CNTLN: variants seen among roughly 807,000 people sequenced by gnomAD.
CNTLN encodes centlein, centrosomal protein.
In CNTLN, 212 loss-of-function variants were observed where a neutral mutation model predicts 180.0. The observed-to-expected ratio is 1.18, with a 90% confidence interval of 1.05 to 1.32. The LOEUF is 1.32. Among genes scored for constraint, CNTLN ranks in the 40% most tolerant of loss-of-function variants. The pLI is 0.00. For missense variants in CNTLN, 2,095 were observed against 1,610.9 expected (o/e 1.30, Z -5.14); for synonymous variants, 722 against 563.1 (o/e 1.28, Z -3.99).
chr9:17,494,440 G>T (rs557908169), intron 25 of CNTLN, among the ~76,000 whole-genome samples: 1 of 152,136 alleles, frequency 6.6e-6, no homozygotes, highest in East Asian at 1.9e-4. Context: ...TGTCGTGGGG[G>T]TTTGTTGTAT....
intron 2 of CNTLN, among the ~76,000 whole-genome samples, chr9:17,213,953 C>A (rs534004676): frequency 6.6e-6 from 1 of 152,080 alleles, no homozygotes; most frequent in Admixed American, 6.6e-5. Flanking sequence ...TGTGTCTTTG[C>A]AGGTGATATG....
intron 8 of CNTLN, among the ~76,000 whole-genome samples, chr9:17,322,708 T>A (rs1007216650): frequency 3.9e-5 from 6 of 152,176 alleles, no homozygotes; most frequent in Admixed American, 1.3e-4. Context: ...TGGTTTGCCA[T>A]CTGGGTGCAG....
chr9:17,325,624 T>A (rs1270639637), intron 8 of CNTLN, among the ~76,000 whole-genome samples: 1 of 151,910 alleles, frequency 6.6e-6, no homozygotes, highest in African/African-American at 2.4e-5. Flanking sequence ...TATATTGTTT[T>A]AAGAAAAAGT....
chr9:17,138,440 T>G (rs1235448642), intron 1 of CNTLN, among the ~76,000 whole-genome samples: 2 of 152,182 alleles, frequency 1.3e-5, no homozygotes, highest in African/African-American at 4.8e-5. Context: ...AAACCAACTT[T>G]TGAAGCAGGC....
chr9:17,378,071 C>T (rs778510221), intron 13 of CNTLN, among the ~76,000 whole-genome samples: 2 of 151,820 alleles, frequency 1.3e-5, no homozygotes, highest in South Asian at 2.1e-4. Context: ...ATTTTTTGTC[C>T]GGCCTTCATA....
rs567231755 is a variant in CNTLN, at chr9:17,490,167, C to G, written c.4119+3101C>G. Among the ~76,000 whole-genome samples, 5 of 152,096 alleles carry G rather than the reference C, an allele frequency of 3.3e-5. No individual in the cohort carries two copies. In the South Asian group the frequency reaches 1.0e-3, roughly 32 times the overall value. ...GGGTCGGGATGTAATCAGAGTTGTG[C>G]TTTAGAAAGATGCTGAAGGCCAACA... On this transcript the variant is annotated intron_variant, in intron 25 of 25. Coordinates refer to ENST00000380647, the MANE Select transcript of CNTLN (RefSeq NM_017738.4).
At chr9:17,169,224 C>T (rs900986840) in intron 2 of CNTLN, among the ~76,000 whole-genome samples, 3 of 152,034 alleles carry the variant, frequency 2.0e-5, no homozygotes, top group Non-Finnish European at 4.4e-5. Context: ...TTCTTGAACT[C>T]CTGGGTTCAA....
chr9:17,268,477 C>T (rs1171404113), intron 5 of CNTLN, among the ~76,000 whole-genome samples: 2 of 152,300 alleles, frequency 1.3e-5, no homozygotes, highest in South Asian at 2.1e-4. Flanking sequence ...AGTTAGGCTG[C>T]TCGGGGGTCA....
intron 18 of CNTLN, among the ~76,000 whole-genome samples, chr9:17,427,325 G>T (rs1417831086): frequency 6.9e-6 from 1 of 145,288 alleles, no homozygotes; most frequent in South Asian, 2.2e-4. Flanking sequence ...TACTCGAAAA[G>T]AATACTTGAT....
intron 10 of CNTLN, among the ~76,000 whole-genome samples, chr9:17,337,153 G>T (rs1031649410): frequency 6.6e-6 from 1 of 152,066 alleles, no homozygotes; most frequent in Non-Finnish European, 1.5e-5. Context: ...TTTTGATGGG[G>T]TTGTTTGTTT....
Position 17,246,152 on chromosome 9 carries a change from C to G in CNTLN, c.849+9564C>G, listed in dbSNP as rs1311748857. On this transcript the variant is annotated intron_variant, in intron 5 of 25. Coordinates refer to ENST00000380647, the MANE Select transcript of CNTLN (RefSeq NM_017738.4). ...AGGTATCTATTGCATTCTTTACAGT[C>G]TGGGATTGTTTGTACTCATCTTTCT... is the stretch of plus-strand genomic sequence containing the variant. 2.6e-5 allele frequency among the ~76,000 whole-genome samples: 4 copies of G among 152,186 alleles called. No individual in the cohort carries two copies. The South Asian group carries it at 8.3e-4, about 32-fold the overall frequency.
At chr9:17,490,105 A>G (rs1484494140) in intron 25 of CNTLN, among the ~76,000 whole-genome samples, 1 of 152,158 alleles carries the variant, frequency 6.6e-6, no homozygotes, top group East Asian at 1.9e-4. Context: ...GAAATAGGAA[A>G]AGTAGGCTGG....
intron 6 of CNTLN, among the ~76,000 whole-genome samples, chr9:17,277,965 A>T (rs995050323): frequency 5.3e-5 from 8 of 152,164 alleles, no homozygotes; most frequent in African/African-American, 1.9e-4. Context: ...TCGATTATCA[A>T]CAACAGGAAA....
Position 17,261,295 on chromosome 9 carries a change from C to T in CNTLN, c.850-12438C>T, listed in dbSNP as rs113948804. 9.0e-3 allele frequency among the ~76,000 whole-genome samples: 1,364 copies of T among 151,538 alleles called. 61 individuals are homozygous for T. Among genetic ancestry groups the T allele is most frequent in the African/African-American group, 0.03 (1,244 of 40,968 alleles). On this transcript the variant is annotated intron_variant, in intron 5 of 25. Transcript: ENST00000380647. ...GCCATCTTAATGATATTGATTCTTC[C>T]AATCCATGAGCATGGCATATTTTTC... is the stretch of plus-strand genomic sequence containing the variant.
chr9:17,267,070 G>A (rs976570508), intron 5 of CNTLN, among the ~76,000 whole-genome samples: 3 of 151,904 alleles, frequency 2.0e-5, no homozygotes, highest in East Asian at 1.9e-4. Flanking sequence ...TGTGAATTTG[G>A]GCCTGTCATT....
chr9:17,353,269 T>G (rs1300619869), intron 12 of CNTLN, among the ~76,000 whole-genome samples: 12 of 150,178 alleles, frequency 8.0e-5, no homozygotes, highest in Non-Finnish European at 1.8e-4. Context: ...TGTTTAATTT[T>G]TTAAGGAACT....
chr9:17,320,163 C>T (rs1320640919), intron 8 of CNTLN, among the ~76,000 whole-genome samples: 1 of 152,200 alleles, frequency 6.6e-6, no homozygotes, highest in Non-Finnish European at 1.5e-5. Context: ...AAATTTTAAC[C>T]AGTCTTGTTG....
rs768337637 is a variant in CNTLN, at chr9:17,330,713, C to G, written c.1423C>G (p.Leu475Val). 8 of 1,611,678 alleles carry G rather than the reference C, an allele frequency of 5.0e-6. No homozygotes were observed. In the South Asian group the frequency reaches 6.6e-5, roughly 13 times the overall value. The change falls in exon 9 of 26, where the codon CTA (leucine) becomes GTA (valine). Residue 475 changes from leucine (L) to valine (V), a missense_variant. Leu to Val is a conservative substitution (Grantham distance 32). Coordinates refer to ENST00000380647, the MANE Select transcript of CNTLN (RefSeq NM_017738.4). Reference protein sequence around the residue: ...KSEIEYLQEKLKIANEKLSEN... With the variant: ...KSEIEYLQEKVKIANEKLSEN... Reference sequence around the variant, plus strand: ...TGAAATTGAGTATTTACAGGAGAAACTAAAGATAGCAAATGAAAAACTGTC... The same window carrying G: ...TGAAATTGAGTATTTACAGGAGAAAGTAAAGATAGCAAATGAAAAACTGTC...
intron 5 of CNTLN, among the ~76,000 whole-genome samples, chr9:17,268,824 C>T (rs961635941): frequency 2.6e-5 from 4 of 151,806 alleles, no homozygotes; most frequent in South Asian, 4.2e-4. Flanking sequence ...ACTCTGTGGG[C>T]GTAGGACCCT....
Sources: allele counts gnomAD v4.1 joint callset (sites outside exome capture counted in the v4.1 genomes callset), GRCh38; gene constraint gnomAD v4.1.1; transcripts MANE v1.5; gene names NCBI Gene and HGNC (gene_info 2026-07-23, HGNC 2026-07-21).